ARMC3: variants seen among roughly 807,000 people sequenced by gnomAD.
ARMC3 encodes the protein armadillo repeat-containing protein 3.
A neutral mutation model predicts 90.3 loss-of-function variants in ARMC3; 74 were observed. The observed-to-expected ratio is 0.82, with a 90% CI of 0.68 to 0.99. ARMC3 has a LOEUF of 0.99. Among genes scored for constraint, ARMC3 ranks in the 50% least tolerant of loss-of-function variants. The pLI is 0.00. For missense variants in ARMC3, 958 were observed against 1,042.8 expected, an observed-to-expected ratio of 0.92 and a Z score of 1.12; for synonymous variants, 334 against 361.8, an observed-to-expected ratio of 0.92 and a Z score of 0.87.
At chr10:23,036,001 C>T (rs186869850) in intron 18 of ARMC3, among the ~76,000 whole-genome samples, 213 of 152,168 alleles carry the variant, frequency 1.4e-3, no homozygotes, top group African/African-American at 4.9e-3. Flanking sequence ...AGACAGATGC[C>T]CTCGCTCTCA....
chr10:22,943,001 A>C (rs761704418), intron 2 of ARMC3, among the ~76,000 whole-genome samples: 1 of 152,208 alleles, frequency 6.6e-6, no homozygotes, highest in Non-Finnish European at 1.5e-5. Context: ...TCAAAAATGG[A>C]AAATTAAGTG....
Position 22,961,940 on chromosome 10 carries a change from T to C in ARMC3, c.594T>C (p.Asp198=), listed in dbSNP as rs143893027. Residue 198 remains aspartate (D), a synonymous_variant, in exon 7 of 19, where the codon GAT becomes GAC. Coordinates refer to ENST00000298032, the MANE Select transcript of ARMC3 (RefSeq NM_173081.5). ...TAAATGCAATACCTCCTATCTTAGATCTCTTGAAGTCAGAATATCCAGTGA... is the reference window on the plus strand; with the variant it reads ...TAAATGCAATACCTCCTATCTTAGACCTCTTGAAGTCAGAATATCCAGTGA... ...QELNAIPPIL[D]LLKSEYPVIQ... is the part of the protein sequence containing the mutation. 3.8e-5 allele frequency: 62 copies of C among 1,612,036 alleles called. No individual in the cohort carries two copies. In the African/African-American group the frequency reaches 8.1e-4, roughly 21 times the overall value.
intron 13 of ARMC3, among the ~76,000 whole-genome samples, chr10:23,004,982 C>T (rs534150691): frequency 2.4e-4 from 23 of 97,474 alleles, no homozygotes; most frequent in Admixed American, 1.3e-3. Flanking sequence ...TTTGGGAGGC[C>T]GAGGTGGGCG....
At chr10:22,978,873 A>G (rs1048586821) in intron 8 of ARMC3, among the ~76,000 whole-genome samples, 2 of 152,208 alleles carry the variant, frequency 1.3e-5, no homozygotes, top group African/African-American at 2.4e-5. Flanking sequence ...TTTTTTAGAC[A>G]AGGTCATGCA....
intron 6 of ARMC3, 95 bp from the exon 7 acceptor site, chr10:22,961,788 TA>T (rs1835205138): frequency 9.3e-7 from 1 of 1,075,550 alleles, no homozygotes; most frequent in South Asian, 1.7e-5. Context: ...ATGGGCAAAT[TA>T]TAACTTATGT....
At chr10:22,937,355 C>T (rs976988893) in intron 2 of ARMC3, among the ~76,000 whole-genome samples, 1 of 152,200 alleles carries the variant, frequency 6.6e-6, no homozygotes, top group Admixed American at 6.5e-5. Flanking sequence ...ACATACCCAT[C>T]CTTAACCATA....
intron 16 of ARMC3, among the ~76,000 whole-genome samples, chr10:23,009,569 G>A (rs1001365420): frequency 2.0e-5 from 3 of 152,164 alleles, no homozygotes; most frequent in African/African-American, 7.2e-5. Context: ...TCCCATCTTG[G>A]CTCACTGCAA....
chr10:23,031,000 G>T, intron 17 of ARMC3: 1 of 515,372 alleles, frequency 1.9e-6, no homozygotes, highest in South Asian at 3.8e-5. Context: ...GATAGCAGCT[G>T]GAAATTGCTT....
At chr10:22,989,696 G>A (rs1836622776) in intron 10 of ARMC3, among the ~76,000 whole-genome samples, 2 of 152,128 alleles carry the variant, frequency 1.3e-5, no homozygotes, top group African/African-American at 4.8e-5. Context: ...TAAAATAAAT[G>A]GGAAAAGTCC....
intron 10 of ARMC3, among the ~76,000 whole-genome samples, chr10:22,986,782 G>A (rs1351248200): frequency 1.3e-5 from 2 of 151,916 alleles, no homozygotes; most frequent in African/African-American, 4.8e-5. Flanking sequence ...CCCTATAAGA[G>A]CCTCCTATTG....
chr10:23,020,567 G>A, intron 16 of ARMC3, among the ~76,000 whole-genome samples: 1 of 152,204 alleles, frequency 6.6e-6, no homozygotes, highest in East Asian at 1.9e-4. Context: ...CACTGGCAAT[G>A]TATGAGAGCT....
intron 2 of ARMC3, among the ~76,000 whole-genome samples, chr10:22,933,316 A>G (rs1833999980): frequency 6.6e-6 from 1 of 152,108 alleles, no homozygotes; most frequent in Admixed American, 6.5e-5. Flanking sequence ...TTGCTACCAA[A>G]TAGCATTAAT....
chr10:22,979,404 T>G lies in ARMC3; in HGVS notation c.917-1936T>G, dbSNP rs542628084. On this transcript the variant is annotated intron_variant, in intron 8 of 18. Transcript: ENST00000298032. ...AGGTTTAGTGAACACAGCTGCATTT[T>G]GAGAACAGTCCCAGCAAGGTTGAGA... is the stretch of plus-strand genomic sequence containing the variant. 2.0e-5 allele frequency among the ~76,000 whole-genome samples: 3 copies of G among 152,344 alleles called. No individual in the cohort carries two copies. In the South Asian group the frequency reaches 6.2e-4, roughly 32 times the overall value.
chr10:23,017,268 C>T (rs187391005), intron 16 of ARMC3, among the ~76,000 whole-genome samples: 95 of 152,126 alleles, frequency 6.2e-4, no homozygotes, highest in South Asian at 2.5e-3. Context: ...CTTGTTAAAA[C>T]GAATATAGAG....
At position 22,985,930 on chromosome 10, in the gene ARMC3, T is replaced by C. The variant is rs189801761; in HGVS notation, c.1175+4230T>C. 2.0e-4 allele frequency among the ~76,000 whole-genome samples: 31 copies of C among 152,326 alleles called. No individual in the cohort carries two copies. The East Asian group carries it at 5.8e-3, about 28-fold the overall frequency. ...TTTACATCTCTGTTACAATGTCACC[T>C]TGGCGAAGCTACTTAGCATTACCAC... is the stretch of plus-strand genomic sequence containing the variant. On this transcript the variant is annotated intron_variant, in intron 10 of 18. Transcript: ENST00000298032.
intron 16 of ARMC3, among the ~76,000 whole-genome samples, chr10:23,015,806 A>G (rs1415284252): frequency 6.6e-6 from 1 of 152,218 alleles, no homozygotes; most frequent in Admixed American, 6.5e-5. Context: ...TTTCAGAAAC[A>G]GATATTGTCT....
chr10:22,931,095 A>G (rs879510876), intron 1 of ARMC3, among the ~76,000 whole-genome samples: 5 of 151,998 alleles, frequency 3.3e-5, no homozygotes, highest in African/African-American at 1.2e-4. Context: ...CACCCGGCTA[A>G]TTTTTGTATT....
At chr10:23,021,499 A>C (rs921009544) in intron 16 of ARMC3, among the ~76,000 whole-genome samples, 1 of 152,162 alleles carries the variant, frequency 6.6e-6, no homozygotes, top group African/African-American at 2.4e-5. Context: ...TTAGTTTTTT[A>C]GTAATAGCCA....
intron 16 of ARMC3, among the ~76,000 whole-genome samples, chr10:23,020,017 G>C (rs1838445310): frequency 2.0e-5 from 3 of 152,188 alleles, no homozygotes; most frequent in Admixed American, 1.3e-4. Context: ...CACAGTATAT[G>C]TCCACTCACC....
Sources: allele counts gnomAD v4.1 joint callset (sites outside exome capture counted in the v4.1 genomes callset), GRCh38; gene constraint gnomAD v4.1.1; transcripts MANE v1.5; gene names NCBI Gene and HGNC (gene_info 2026-07-23, HGNC 2026-07-21).